Variants in IL22RA2 observed in about 807,000 individuals in gnomAD.
IL22RA2 encodes the protein interleukin 22 receptor subunit alpha 2, also known as interleukin-22 receptor subunit alpha-2.
Under a neutral mutation model 30.7 loss-of-function variants are expected in IL22RA2, and 39 were observed. That is an observed-to-expected ratio of 1.27 (90% CI 0.98 to 1.66). The LOEUF (loss-of-function observed/expected upper bound fraction) is 1.66, where lower values mean the gene tolerates loss of function less well. Ranked by LOEUF, IL22RA2 falls within the 40% of genes most tolerant of loss-of-function variation. IL22RA2 has a pLI of 0.00. For missense variants in IL22RA2, 315 were observed against 312.7 expected, an observed-to-expected ratio of 1.01 and a Z score of -0.05; for synonymous variants, 103 against 105.0, an observed-to-expected ratio of 0.98 and a Z score of 0.11.
At chr6:137,160,704 T>G (rs1582606040) in intron 2 of IL22RA2, among the ~76,000 whole-genome samples, 1 of 152,162 alleles carries the variant, frequency 6.6e-6, no homozygotes, top group South Asian at 2.1e-4. Flanking sequence ...AGCCACCAAG[T>G]AAGGTAAATA....
At chr6:137,169,720 A>T (rs924267879) in intron 1 of IL22RA2, among the ~76,000 whole-genome samples, 15 of 152,222 alleles carry the variant, frequency 9.9e-5, no homozygotes, top group Non-Finnish European at 2.1e-4. Context: ...ATTATAGTCA[A>T]TGAAACAGCC....
intron 5 of IL22RA2, among the ~76,000 whole-genome samples, chr6:137,153,569 A>G (rs1778337667): frequency 6.6e-6 from 1 of 152,204 alleles, no homozygotes; most frequent in South Asian, 2.1e-4. Context: ...CTGGTTTATA[A>G]CAAAAATGGT....
intron 6 of IL22RA2, among the ~76,000 whole-genome samples, chr6:137,147,222 A>T (rs1245232631): frequency 1.4e-5 from 2 of 139,472 alleles, no homozygotes; most frequent in African/African-American, 5.2e-5. Flanking sequence ...AAAAAGCTGG[A>T]TGTGATGGGC....
At position 137,147,195 on chromosome 6, in the gene IL22RA2, A is replaced by T. The variant is rs138767742; in HGVS notation, c.642+527T>A. Among the ~76,000 whole-genome samples, 130 of 144,462 alleles carry T rather than the reference A, an allele frequency of 9.0e-4. 1 individual carries two copies. Among genetic ancestry groups the T allele is most frequent in the African/African-American group, 1.5e-3 (59 of 39,270 alleles). The allele number at this position is 144,462 out of a possible 152,430, so 94.8% of individuals were successfully genotyped here. A position where few individuals can be genotyped will look rare whatever the true frequency, so the allele number is the denominator to read the frequency against. On this transcript the variant is annotated intron_variant, in intron 6 of 6. Transcript: ENST00000296980. ...TGAGACCTTGCCTCTACAAAAAAAA[A>T]AAAAAAAAAAAAAAAAAAAAAGCTG...
chr6:137,145,751 G>C lies in IL22RA2; in HGVS notation c.665C>G (p.Ala222Gly), dbSNP rs1582875200. The C allele has an allele frequency of 6.2e-7, 1 of 1,613,940 alleles. No homozygotes were observed. Among genetic ancestry groups the C allele is most frequent in the South Asian group, 1.1e-5 (1 of 91,034 alleles). ...LEKEQKVYEG[A>G]HRAVEIEALT... The stretch of plus-strand genomic sequence containing the variant: ...AGCTTCAATTTCAACCGCTCTGTGA[G>C]CCCCTTCATAAACCTTTTGCTCCTA... Residue 222 changes from alanine (A) to glycine (G), a missense_variant, in exon 7 of 7, where the codon GCT (alanine) becomes GGT (glycine). Ala to Gly is a moderately conservative substitution (Grantham distance 60). Transcript: ENST00000296980.
chr6:137,164,171 A>G lies in IL22RA2; in HGVS notation c.-65-2357T>C, dbSNP rs796350371. 5.3e-5 allele frequency among the ~76,000 whole-genome samples: 8 copies of G among 152,304 alleles called. 1 individual carries two copies. The highest frequency in any genetic ancestry group is 1.9e-4 in the African/African-American group (8 of 41,548). ...AACTTTAAAAAAAGTTTTAATGGTGACTATGGGGTTAAGCTAACTTCACAG... is the reference window on the plus strand; with the variant it reads ...AACTTTAAAAAAAGTTTTAATGGTGGCTATGGGGTTAAGCTAACTTCACAG... On this transcript the variant is annotated intron_variant, in intron 1 of 6. Transcript: ENST00000296980.
intron 1 of IL22RA2, among the ~76,000 whole-genome samples, chr6:137,172,075 T>C (rs144414070): frequency 7.9e-4 from 121 of 152,372 alleles, no homozygotes; most frequent in African/African-American, 2.7e-3. Flanking sequence ...ACATTTACTT[T>C]GGTATTTAAA....
intron 6 of IL22RA2, among the ~76,000 whole-genome samples, chr6:137,147,295 G>C (rs1778199490): frequency 6.7e-6 from 1 of 148,860 alleles, no homozygotes; most frequent in Non-Finnish European, 1.5e-5. Context: ...CCAGAAGTTA[G>C]AGGCTACAGT....
intron 6 of IL22RA2, 103 bp from the exon 7 acceptor site, chr6:137,145,876 T>C (rs900097622): frequency 1.4e-5 from 17 of 1,213,006 alleles, no homozygotes; most frequent in Non-Finnish European, 2.0e-5. Flanking sequence ...CAGCAGTAGA[T>C]GGGTTGTGGG....
At chr6:137,145,875 A>G (rs1405564022) in intron 6 of IL22RA2, 102 bp from the exon 7 acceptor site, 3 of 1,240,128 alleles carry the variant, frequency 2.4e-6, no homozygotes, top group Non-Finnish European at 3.5e-6. Context: ...ACAGCAGTAG[A>G]TGGGTTGTGG....
intron 6 of IL22RA2, 66 bp downstream of exon 6, chr6:137,147,656 G>A: frequency 7.8e-7 from 1 of 1,278,340 alleles, no homozygotes; most frequent in Non-Finnish European, 1.1e-6. Context: ...CATCTCATAT[G>A]ACCACAATAT....
At chr6:137,173,272 C>A (rs1245208983) in intron 1 of IL22RA2, 141 bp downstream of exon 1, 1 of 152,200 alleles carries the variant, frequency 6.6e-6, no homozygotes, top group African/African-American at 2.4e-5. Flanking sequence ...CTCAGTGGGG[C>A]TGAGGCAGGA....
intron 5 of IL22RA2, among the ~76,000 whole-genome samples, chr6:137,150,034 G>A (rs1044832608): frequency 2.6e-5 from 4 of 152,124 alleles, no homozygotes; most frequent in African/African-American, 9.7e-5. Flanking sequence ...CTGAAATCTC[G>A]CTAAGTATCA....
At chr6:137,150,418 C>T (rs537908527) in intron 5 of IL22RA2, among the ~76,000 whole-genome samples, 10 of 151,436 alleles carry the variant, frequency 6.6e-5, no homozygotes, top group African/African-American at 1.2e-4. Flanking sequence ...TAAGAGGCCC[C>T]GAAATAAAAT....
At chr6:137,171,084 G>C (rs911317256) in intron 1 of IL22RA2, among the ~76,000 whole-genome samples, 5 of 152,270 alleles carry the variant, frequency 3.3e-5, no homozygotes, top group Admixed American at 3.3e-4. Flanking sequence ...TGGTAGAATA[G>C]CTCCTTTAGT....
At chr6:137,170,656 C>G (rs956024414) in intron 1 of IL22RA2, among the ~76,000 whole-genome samples, 1 of 152,036 alleles carries the variant, frequency 6.6e-6, no homozygotes, top group Non-Finnish European at 1.5e-5. Context: ...CTAGCTGAGC[C>G]GGTGATCACC....
intron 4 of IL22RA2, 66 bp from the exon 5 acceptor site, chr6:137,155,185 A>G: frequency 1.6e-6 from 2 of 1,229,124 alleles, no homozygotes; most frequent in Non-Finnish European, 2.2e-6. Context: ...CAGTATTTTC[A>G]GACTAATAAT....
chr6:137,148,591 G>A (rs535992076), intron 5 of IL22RA2, among the ~76,000 whole-genome samples: 9 of 152,216 alleles, frequency 5.9e-5, no homozygotes, highest in South Asian at 2.1e-4. Context: ...TTTGATTTCC[G>A]TTTACTTTGT....
Position 137,144,338 on chromosome 6 carries a change from C to T in IL22RA2, c.*1286G>A, listed in dbSNP as rs531937956. 2.6e-5 allele frequency: 4 copies of T among 152,286 alleles called. No individual in the cohort carries two copies. Among genetic ancestry groups the T allele is most frequent in the Admixed American group, 1.3e-4 (2 of 15,280 alleles). 9.4% of individuals were successfully genotyped at this position (152,286 alleles called of 1,614,324 possible). ...AATACATTTCTGAATATTTTTTAATCCATTTATCACTGAGTACTTGCATAT... is the reference window on the plus strand; with the variant it reads ...AATACATTTCTGAATATTTTTTAATTCATTTATCACTGAGTACTTGCATAT... On this transcript the variant is annotated 3_prime_UTR_variant, in exon 7 of 7. Coordinates refer to ENST00000296980, the MANE Select transcript of IL22RA2 (RefSeq NM_052962.3).
Sources: gnomAD v4.1 joint callset for allele counts (sites outside exome capture counted in the v4.1 genomes callset) on GRCh38, gnomAD v4.1.1 for gene constraint, MANE v1.5 for transcripts, NCBI Gene and HGNC (gene_info 2026-07-23, HGNC 2026-07-21) for gene names.